The following FAM167A variants were observed in gnomAD, a reference collection of about 807,000 sequenced individuals.
The protein encoded by FAM167A is family with sequence similarity 167 member A.
In FAM167A, 23 loss-of-function variants were observed where a neutral mutation model predicts 14.9. That is an observed-to-expected ratio of 1.55 (90% confidence interval 1.11 to 2.19). FAM167A has a LOEUF of 2.19. Ranked by LOEUF, FAM167A falls within the 30% of genes most tolerant of loss-of-function variation. The pLI is 0.00. For missense variants in FAM167A, 401 were observed against 281.5 expected, an observed-to-expected ratio of 1.42 and a Z score of -3.04; for synonymous variants, 174 against 117.7, an observed-to-expected ratio of 1.48 and a Z score of -3.10.
chr8:11,429,256 C>T (rs1040360297), intron 2 of FAM167A, among the ~76,000 whole-genome samples: 4 of 152,200 alleles, frequency 2.6e-5, no homozygotes, highest in African/African-American at 7.2e-5. Flanking sequence ...ATAATGTCCT[C>T]TGGTTTCTGA....
chr8:11,448,601 T>C (rs535652620), intron 1 of FAM167A, among the ~76,000 whole-genome samples: 5 of 152,244 alleles, frequency 3.3e-5, no homozygotes, highest in Admixed American at 2.6e-4. Context: ...CGACACGAAG[T>C]CAGTTGATCC....
At chr8:11,444,864 C>T (rs1478443845) in intron 1 of FAM167A, 56 bp from the exon 2 acceptor site, 22 of 983,600 alleles carry the variant, frequency 2.2e-5, no homozygotes, top group African/African-American at 5.2e-5. Flanking sequence ...CACTCAGAGG[C>T]GGGCACGTCC....
chr8:11,428,660 T>C (rs898606420), intron 2 of FAM167A, among the ~76,000 whole-genome samples: 3 of 152,212 alleles, frequency 2.0e-5, no homozygotes, highest in African/African-American at 4.8e-5. Flanking sequence ...TCACAATACA[T>C]AGTGTGTTGG....
At chr8:11,469,111 G>C (rs992855793), upstream of FAM167A, among the ~76,000 whole-genome samples, 3 of 152,168 alleles carry the variant, frequency 2.0e-5, no homozygotes, top group Non-Finnish European at 4.4e-5. Context: ...ACGATTTAAC[G>C]CTAAGTAAAT....
rs945751833 is a variant in FAM167A at position 11,422,667 on chromosome 8, C to G, written c.*1706G>C. 6.6e-6 allele frequency: 1 copy of G among 152,190 alleles called. No individual in the cohort carries two copies. The highest frequency in any genetic ancestry group is 2.4e-5 in the African/African-American group (1 of 41,438). 9.4% of individuals were successfully genotyped at this position (152,190 alleles called of 1,614,324 possible). Reference sequence around the variant, plus strand: ...AAGTTCTTTTCTGTCTACTAGAGATCATTCATTTGCATTGTCCTACTCTCA... The same window carrying G: ...AAGTTCTTTTCTGTCTACTAGAGATGATTCATTTGCATTGTCCTACTCTCA... On this transcript the variant is annotated 3_prime_UTR_variant, in exon 3 of 3. Coordinates refer to ENST00000284486, the MANE Select transcript of FAM167A (RefSeq NM_053279.3).
chr8:11,426,396 TAC>T (rs1805149384), intron 2 of FAM167A, among the ~76,000 whole-genome samples: 12 of 152,334 alleles, frequency 7.9e-5, no homozygotes, highest in Admixed American at 7.8e-4. Context: ...CATGGTCACT[TAC>T]ACTGGCTCAG....
rs1244883402 is a variant in FAM167A, at chr8:11,422,432, A to C, written c.*1941T>G. 1 of 150,758 alleles carries C rather than the reference A, an allele frequency of 6.6e-6. No homozygotes were observed. The highest frequency in any genetic ancestry group is 1.5e-5 in the Non-Finnish European group (1 of 67,818). 9.3% of individuals were successfully genotyped at this position (150,758 alleles called of 1,614,324 possible). On this transcript the variant is annotated 3_prime_UTR_variant, in exon 3 of 3. Coordinates refer to ENST00000284486, the MANE Select transcript of FAM167A (RefSeq NM_053279.3). ...GGTCAGCCCGAGACCTCAAGGGCTT[A>C]TCTGGAAAGAGGTTGGCAGGAAAGG...
chr8:11,430,877 A>G (rs969758288), intron 2 of FAM167A, among the ~76,000 whole-genome samples: 10 of 151,900 alleles, frequency 6.6e-5, no homozygotes, highest in African/African-American at 2.4e-4. Context: ...GCATCAAGCC[A>G]GTGGTTTGCT....
At chr8:11,443,243 G>A (rs970424845) in intron 2 of FAM167A, among the ~76,000 whole-genome samples, 1 of 152,204 alleles carries the variant, frequency 6.6e-6, no homozygotes, top group Non-Finnish European at 1.5e-5. Flanking sequence ...GAAGGGGACA[G>A]GGCACCCAGC....
upstream of FAM167A, among the ~76,000 whole-genome samples, chr8:11,470,647 G>A (rs952928106): frequency 5.9e-5 from 9 of 152,158 alleles, no homozygotes; most frequent in Non-Finnish European, 1.2e-4. Context: ...ACTTGAAGGC[G>A]ATTCCTGGAT....
chr8:11,436,279 A>G (rs1285533074), intron 2 of FAM167A, among the ~76,000 whole-genome samples: 1 of 152,302 alleles, frequency 6.6e-6, no homozygotes, highest in East Asian at 1.9e-4. Context: ...GAGGAGGGCC[A>G]GGCCCGCCAC....
chr8:11,448,574 C>G (rs1806885448), intron 1 of FAM167A, among the ~76,000 whole-genome samples: 1 of 152,214 alleles, frequency 6.6e-6, no homozygotes, highest in South Asian at 2.1e-4. Context: ...CCCTCACATC[C>G]TTCCCTGGAC....
intron 1 of FAM167A, among the ~76,000 whole-genome samples, chr8:11,451,365 C>T (rs1478022171): frequency 6.6e-6 from 1 of 151,204 alleles, no homozygotes; most frequent in Non-Finnish European, 1.5e-5. Context: ...ACAGCGTATA[C>T]CTTCCGCCTT....
intron 2 of FAM167A, chr8:11,438,124 C>T (rs763276975): frequency 4.4e-6 from 2 of 456,636 alleles, no homozygotes; most frequent in Middle Eastern, 3.3e-4. Flanking sequence ...CCAGTGGAGG[C>T]CGGTAGTGCT....
intron 1 of FAM167A, among the ~76,000 whole-genome samples, chr8:11,466,422 G>T (rs1807770262): frequency 6.6e-6 from 1 of 152,186 alleles, no homozygotes; most frequent in South Asian, 2.1e-4. Flanking sequence ...TGGGAGGGCA[G>T]CGAACCCGCG....
chr8:11,456,947 G>T (rs1394860777), intron 1 of FAM167A, among the ~76,000 whole-genome samples: 2 of 136,664 alleles, frequency 1.5e-5, no homozygotes, highest in East Asian at 2.2e-4. Flanking sequence ...TATGAGCGGG[G>T]CTGGGTTAGG....
At chr8:11,462,631 C>T (rs1418891481) in intron 1 of FAM167A, among the ~76,000 whole-genome samples, 1 of 152,222 alleles carries the variant, frequency 6.6e-6, no homozygotes, top group Admixed American at 6.5e-5. Context: ...CCTTCACCTT[C>T]TGCTTCCTTG....
intron 1 of FAM167A, among the ~76,000 whole-genome samples, chr8:11,451,090 G>A (rs1316634545): frequency 1.3e-5 from 2 of 152,252 alleles, no homozygotes; most frequent in Admixed American, 6.5e-5. Flanking sequence ...TTTCCCACAG[G>A]AGCCCATCCC....
rs1804989755 is a variant in FAM167A at position 11,424,487 on chromosome 8, C to T, written c.531G>A (p.Leu177=). 1 of 1,614,168 alleles carries T rather than the reference C, an allele frequency of 6.2e-7. No individual in the cohort carries two copies. Among genetic ancestry groups the T allele is most frequent in the African/African-American group, 1.3e-5 (1 of 75,050 alleles). The part of the protein sequence containing the change: ...ATYELEERDE[L]ADLFCDSPLA... ...GAGGGGAGTCACAGAAGAGGTCGGC[C>T]AGCTCATCCCGCTCCTCCAGCTCGT... Residue 177 remains leucine, a synonymous_variant, in exon 3 of 3, where the codon CTG becomes CTA. Transcript: ENST00000284486.
Sources: gnomAD v4.1 joint callset for allele counts (sites outside exome capture counted in the v4.1 genomes callset) on GRCh38, gnomAD v4.1.1 for gene constraint, MANE v1.5 for transcripts, NCBI Gene and HGNC (gene_info 2026-07-23, HGNC 2026-07-21) for gene names.